SLC14A2: variants seen among roughly 807,000 people sequenced by gnomAD.
SLC14A2 encodes solute carrier family 14 member 2, also known as urea transporter 2.
A neutral mutation model predicts 104.6 loss-of-function variants in SLC14A2; 91 were observed. The observed-to-expected ratio is 0.87, with a 90% confidence interval of 0.73 to 1.04. The LOEUF is 1.04. SLC14A2 is among the 50% of genes least tolerant of loss of function. The pLI is 0.00. For synonymous variants in SLC14A2, 476 were observed against 466.4 expected (o/e 1.02, Z -0.27); for missense variants, 1,189 against 1,156.0 (o/e 1.03, Z -0.41).
intron 1 of SLC14A2, among the ~76,000 whole-genome samples, chr18:45,241,144 C>T (rs2084311501): frequency 6.6e-6 from 1 of 152,214 alleles, no homozygotes; most frequent in Non-Finnish European, 1.5e-5. Context: ...ACTCCCCTGG[C>T]ATGGCTGCAA....
At chr18:45,593,251 A>G (rs2044676189) in intron 2 of SLC14A2, among the ~76,000 whole-genome samples, 1 of 151,262 alleles carries the variant, frequency 6.6e-6, no homozygotes, top group African/African-American at 2.4e-5. Context: ...CGGGAGGCGG[A>G]GCTTGCAGTG....
upstream of SLC14A2, among the ~76,000 whole-genome samples, chr18:45,211,107 G>A (rs749230607): frequency 6.6e-6 from 1 of 152,152 alleles, no homozygotes; most frequent in African/African-American, 2.4e-5. Context: ...CAGAGAAAAT[G>A]TCTCTATTTT....
At chr18:45,347,085 G>C (rs2085457050) in intron 1 of SLC14A2, among the ~76,000 whole-genome samples, 1 of 152,140 alleles carries the variant, frequency 6.6e-6, no homozygotes, top group South Asian at 2.1e-4. Flanking sequence ...GCCCTGCGTG[G>C]TGGCTCATGC....
chr18:45,486,004 C>T (rs1473188378), intron 2 of SLC14A2, among the ~76,000 whole-genome samples: 1 of 152,180 alleles, frequency 6.6e-6, no homozygotes, highest in African/African-American at 2.4e-5. Context: ...TGTTCACCCT[C>T]TCTACTTCCC....
intron 1 of SLC14A2, among the ~76,000 whole-genome samples, chr18:45,282,239 A>G (rs948770129): frequency 4.6e-5 from 7 of 152,122 alleles, no homozygotes; most frequent in African/African-American, 1.4e-4. Context: ...GGCTGGCTTG[A>G]AATGACCTAA....
intron 1 of SLC14A2, among the ~76,000 whole-genome samples, chr18:45,617,836 G>T (rs1269597709): frequency 1.3e-5 from 2 of 152,152 alleles, no homozygotes; most frequent in African/African-American, 4.8e-5. Context: ...ACTCAGCAAG[G>T]TCCTTTCAGA....
At chr18:45,215,373 T>C (rs2084000838) in intron 1 of SLC14A2, among the ~76,000 whole-genome samples, 1 of 152,234 alleles carries the variant, frequency 6.6e-6, no homozygotes, top group Non-Finnish European at 1.5e-5. Flanking sequence ...GATTGTCTTT[T>C]GCTTTGTCTA....
chr18:45,523,658 A>C (rs2043550312), intron 2 of SLC14A2, among the ~76,000 whole-genome samples: 1 of 151,604 alleles, frequency 6.6e-6, no homozygotes, highest in African/African-American at 2.4e-5. Context: ...CTTTAACCCC[A>C]CGAAATCTCC....
intron 1 of SLC14A2, among the ~76,000 whole-genome samples, chr18:45,219,011 A>G (rs1345414129): frequency 6.6e-6 from 1 of 152,234 alleles, no homozygotes; most frequent in African/African-American, 2.4e-5. Context: ...GATTAAAACA[A>G]GGTAAAATCT....
chr18:45,313,340 T>G (rs898108996), intron 1 of SLC14A2, among the ~76,000 whole-genome samples: 13 of 152,142 alleles, frequency 8.5e-5, no homozygotes, highest in Middle Eastern at 3.2e-3. Flanking sequence ...CATCCCCACC[T>G]TCTTTCTCCA....
chr18:45,170,538 G>A, the SLC14A2 span, among the ~76,000 whole-genome samples: 61 of 152,300 alleles, frequency 4.0e-4, no homozygotes, highest in Admixed American at 7.2e-4. Context: ...AAATATGTGA[G>A]GAGGTTGGTT....
At chr18:45,481,206 C>G (rs2144697385) in intron 1 of SLC14A2, among the ~76,000 whole-genome samples, 1 of 151,444 alleles carries the variant, frequency 6.6e-6, no homozygotes, top group African/African-American at 2.4e-5. Flanking sequence ...TTATGTGTCT[C>G]TCTCCCCTCT....
At chr18:45,526,194 T>C (rs2043592485) in intron 2 of SLC14A2, among the ~76,000 whole-genome samples, 1 of 152,200 alleles carries the variant, frequency 6.6e-6, no homozygotes, top group Admixed American at 6.5e-5. Context: ...ACAACCATTC[T>C]CTTCCCAACA....
At chr18:45,444,124 A>G (rs1478878543) in intron 1 of SLC14A2, among the ~76,000 whole-genome samples, 5 of 152,200 alleles carry the variant, frequency 3.3e-5, no homozygotes, top group African/African-American at 9.7e-5. Context: ...ACCATCAGCA[A>G]TGTATCTGAA....
chr18:45,355,475 G>A (rs540502849), intron 1 of SLC14A2, among the ~76,000 whole-genome samples: 2 of 150,880 alleles, frequency 1.3e-5, no homozygotes, highest in African/African-American at 4.9e-5. Flanking sequence ...CTACTCAGGA[G>A]GCTGAGGCAG....
At chr18:45,170,870 A>G in the SLC14A2 span, among the ~76,000 whole-genome samples, 469 of 152,262 alleles carry the variant, frequency 3.1e-3, 3 homozygotes, top group African/African-American at 0.01. Context: ...ACAGGAATCT[A>G]CCAATTACAA....
chr18:45,645,479 G>C (rs1317073925), intron 10 of SLC14A2, among the ~76,000 whole-genome samples: 1 of 151,962 alleles, frequency 6.6e-6, no homozygotes, highest in Non-Finnish European at 1.5e-5. Flanking sequence ...ATTTGCTTGT[G>C]AGCATGGGAG....
intron 2 of SLC14A2, among the ~76,000 whole-genome samples, chr18:45,572,666 C>T (rs2044364584): frequency 6.6e-6 from 1 of 152,220 alleles, no homozygotes; most frequent in Non-Finnish European, 1.5e-5. Context: ...AGTGTGACCA[C>T]TCCAGCTCTC....
chr18:45,301,156 G>A (rs1018089935), intron 1 of SLC14A2, among the ~76,000 whole-genome samples: 1 of 152,198 alleles, frequency 6.6e-6, no homozygotes, highest in Non-Finnish European at 1.5e-5. Context: ...TAGTAATGTG[G>A]GCAGGGTGAT....
Sources: allele counts gnomAD v4.1 joint callset (sites outside exome capture counted in the v4.1 genomes callset), GRCh38; gene constraint gnomAD v4.1.1; transcripts MANE v1.5; gene names NCBI Gene and HGNC (gene_info 2026-07-23, HGNC 2026-07-21).